Variants in MAD1L1 observed in about 807,000 individuals in gnomAD.
MAD1L1 encodes mitotic spindle assembly checkpoint protein MAD1.
A neutral mutation model predicts 96.9 loss-of-function variants in MAD1L1; 95 were observed. The observed-to-expected ratio is 0.98, with a 90% CI of 0.83 to 1.16. The LOEUF (loss-of-function observed/expected upper bound fraction) is 1.16, where lower values mean the gene tolerates loss of function less well. MAD1L1 is among the 50% of genes most tolerant of loss of function. The pLI, the probability that MAD1L1 is intolerant of heterozygous loss-of-function variation, is 0.00. For missense variants in MAD1L1, 1,007 were observed against 954.4 expected (o/e 1.06, Z -0.73); for synonymous variants, 473 against 396.6 (o/e 1.19, Z -2.29).
rs568070960 is a variant in MAD1L1 at position 1,877,215 on chromosome 7, CA to C, written c.1998+20984del. ...TCCAACCCATGGGCCAATTCTGGCC[CA>C]CCGCCCGCTTTTGTAATAAAGTTTT... On this transcript the variant is annotated intron_variant, in intron 18 of 18. Transcript: ENST00000265854. 2.5e-3 allele frequency among the ~76,000 whole-genome samples: 388 copies of C among 152,192 alleles called. 2 individuals are homozygous for C. Among genetic ancestry groups the C allele is most frequent in the African/African-American group, 9.0e-3 (372 of 41,526 alleles).
chr7:2,079,748 C>A (rs1349451056), intron 11 of MAD1L1: 3 of 470,970 alleles, frequency 6.4e-6, no homozygotes, highest in Non-Finnish European at 1.3e-5. Context: ...GGAGCCCCGG[C>A]AAGCACGGCC....
chr7:1,873,201 G>A (rs893542623), intron 18 of MAD1L1, among the ~76,000 whole-genome samples: 4 of 152,206 alleles, frequency 2.6e-5, no homozygotes, highest in Admixed American at 1.3e-4. Context: ...GACCCCCACC[G>A]TAAATGTGTG....
intron 13 of MAD1L1, among the ~76,000 whole-genome samples, chr7:2,013,484 T>C (rs1318024046): frequency 1.3e-5 from 2 of 152,314 alleles, no homozygotes; most frequent in Admixed American, 1.3e-4. Context: ...GACCTGGGCA[T>C]GTCCCTTGAC....
chr7:1,818,401 T>A (rs117005255), intron 18 of MAD1L1, among the ~76,000 whole-genome samples: 7,939 of 151,836 alleles, frequency 0.052, 321 homozygotes, highest in Middle Eastern at 0.1. Context: ...TATTTTTTTT[T>A]AGAGACGAGT....
chr7:1,827,808 G>A (rs182320286), intron 18 of MAD1L1, among the ~76,000 whole-genome samples: 6 of 152,036 alleles, frequency 3.9e-5, no homozygotes, highest in Admixed American at 3.3e-4. Context: ...CGGGTGTGGG[G>A]TCCTCCCCTC....
At chr7:2,138,286 G>A (rs534859017) in intron 11 of MAD1L1, among the ~76,000 whole-genome samples, 2 of 152,288 alleles carry the variant, frequency 1.3e-5, no homozygotes, top group Admixed American at 1.3e-4. Flanking sequence ...TGCCCCAGGG[G>A]ACGTGCTCCC....
At chr7:1,973,469 C>T (rs1767791569) in intron 15 of MAD1L1, among the ~76,000 whole-genome samples, 2 of 152,224 alleles carry the variant, frequency 1.3e-5, no homozygotes, top group South Asian at 2.1e-4. Context: ...ACCCCACTCA[C>T]GAGGGCCACG....
chr7:1,914,621 T>G (rs1040445995), intron 17 of MAD1L1, among the ~76,000 whole-genome samples: 7 of 151,948 alleles, frequency 4.6e-5, no homozygotes, highest in African/African-American at 1.7e-4. Context: ...GAGTTTTTGG[T>G]TTGTTTTTTT....
intron 16 of MAD1L1, among the ~76,000 whole-genome samples, chr7:1,946,928 G>C (rs571079096): frequency 6.6e-6 from 1 of 152,378 alleles, no homozygotes; most frequent in East Asian, 1.9e-4. Context: ...TCAGGGGACT[G>C]TCTACAGCCC....
At chr7:2,210,090 G>T (rs879388484) in intron 10 of MAD1L1, 1 of 152,170 alleles carries the variant, frequency 6.6e-6, no homozygotes, top group Admixed American at 6.5e-5. Flanking sequence ...AATCCACTTT[G>T]GTTTTTGTTT....
At chr7:2,126,373 A>C (rs1428905508) in intron 11 of MAD1L1, among the ~76,000 whole-genome samples, 1 of 152,132 alleles carries the variant, frequency 6.6e-6, no homozygotes, top group Non-Finnish European at 1.5e-5. Context: ...TCGGGCATGC[A>C]CAGAAAGGGC....
chr7:1,955,918 T>C (rs1039380029), intron 16 of MAD1L1, among the ~76,000 whole-genome samples: 10 of 143,498 alleles, frequency 7.0e-5, no homozygotes, highest in African/African-American at 2.3e-4. Context: ...CGAACTATTT[T>C]GCAGAGTAGT....
chr7:1,971,506 T>C (rs1363661410), intron 15 of MAD1L1, among the ~76,000 whole-genome samples: 4 of 152,118 alleles, frequency 2.6e-5, no homozygotes, highest in Non-Finnish European at 4.4e-5. Flanking sequence ...TAATATATAG[T>C]GGAGAAACAG....
intron 6 of MAD1L1, among the ~76,000 whole-genome samples, chr7:2,218,898 CA>C (rs58637361): frequency 1.3e-3 from 186 of 139,694 alleles, no homozygotes; most frequent in South Asian, 6.4e-3. Flanking sequence ...GACTCAATCT[CA>C]AAAAAAAAAA....
chr7:1,951,834 T>C (rs1779511142), intron 16 of MAD1L1, among the ~76,000 whole-genome samples: 1 of 152,190 alleles, frequency 6.6e-6, no homozygotes, highest in Non-Finnish European at 1.5e-5. Context: ...TGTCCATCCA[T>C]GCATCTGTCC....
At chr7:2,071,686 A>G (rs920274874) in intron 11 of MAD1L1, among the ~76,000 whole-genome samples, 1 of 152,178 alleles carries the variant, frequency 6.6e-6, no homozygotes, top group African/African-American at 2.4e-5. Context: ...GGGCGGAGTC[A>G]ATTATGTCCG....
chr7:1,874,522 A>C (rs1238642827), intron 18 of MAD1L1: 1 of 455,484 alleles, frequency 2.2e-6, no homozygotes, highest in Non-Finnish European at 4.4e-6. Context: ...CTTTCCGCAC[A>C]GCTTGTGGCT....
At chr7:1,980,597 G>C (rs1005179287) in intron 14 of MAD1L1, 56 bp from the exon 15 acceptor site, 1 of 1,440,294 alleles carries the variant, frequency 6.9e-7, no homozygotes, top group Non-Finnish European at 9.6e-7. Flanking sequence ...CAGGTGTGTG[G>C]GGAACCCCAG....
At chr7:1,934,639 G>C (rs552441766) in intron 17 of MAD1L1, among the ~76,000 whole-genome samples, 2 of 150,316 alleles carry the variant, frequency 1.3e-5, no homozygotes, top group Non-Finnish European at 3.0e-5. Flanking sequence ...GCGAACCCGA[G>C]ACAGGCAGAC....
Sources: gnomAD v4.1 joint callset for allele counts (sites outside exome capture counted in the v4.1 genomes callset) on GRCh38, gnomAD v4.1.1 for gene constraint, MANE v1.5 for transcripts, NCBI Gene and HGNC (gene_info 2026-07-23, HGNC 2026-07-21) for gene names.